The following RIMS1 variants were observed in gnomAD, a reference collection of about 807,000 sequenced individuals.
The protein encoded by RIMS1 is regulating synaptic membrane exocytosis protein 1.
Under a neutral mutation model 214.1 loss-of-function variants are expected in RIMS1, and 83 were observed. That is an observed-to-expected ratio of 0.39 (90% CI 0.32 to 0.47). RIMS1 has a LOEUF of 0.47. Ranked by LOEUF, RIMS1 falls within the 20% of genes least tolerant of loss-of-function variation. The probability of loss-of-function intolerance (pLI) is 0.99; values close to 1 mark genes in which losing one functional copy is unlikely to be tolerated. For missense variants in RIMS1, 2,050 were observed against 2,161.8 expected (o/e 0.95, Z 1.03); for synonymous variants, 793 against 786.8 (o/e 1.01, Z -0.13).
chr6:72,185,050 T>A (rs901938286), intron 6 of RIMS1, among the ~76,000 whole-genome samples: 3 of 152,212 alleles, frequency 2.0e-5, no homozygotes, highest in African/African-American at 7.2e-5. Context: ...TAAGGGACTG[T>A]CTTTTAAAGT....
intron 2 of RIMS1, among the ~76,000 whole-genome samples, chr6:72,011,916 G>T (rs923795696): frequency 1.3e-5 from 2 of 152,226 alleles, no homozygotes; most frequent in African/African-American, 4.8e-5. Flanking sequence ...GTGGAAGTCA[G>T]TGTGGCAATT....
intron 6 of RIMS1, among the ~76,000 whole-genome samples, chr6:72,231,477 A>G (rs2061957785): frequency 6.6e-6 from 1 of 151,710 alleles, no homozygotes; most frequent in Non-Finnish European, 1.5e-5. Flanking sequence ...TATTTAGTAG[A>G]TAGCTACAAA....
chr6:72,167,598 TATTA>T (rs1235169784), intron 4 of RIMS1, among the ~76,000 whole-genome samples: 8 of 152,184 alleles, frequency 5.3e-5, no homozygotes, highest in Non-Finnish European at 1.5e-5. Flanking sequence ...GGCTTTCAAT[TATTA>T]ATTCAACTTT....
At chr6:72,007,171 T>C (rs1808073128) in intron 2 of RIMS1, among the ~76,000 whole-genome samples, 2 of 152,186 alleles carry the variant, frequency 1.3e-5, no homozygotes, top group African/African-American at 2.4e-5. Flanking sequence ...TTCACTGATA[T>C]TCGCTGTTCT....
chr6:72,327,785 T>C (rs1276006091), intron 28 of RIMS1, among the ~76,000 whole-genome samples: 1 of 151,812 alleles, frequency 6.6e-6, no homozygotes, highest in East Asian at 1.9e-4. Flanking sequence ...CTTTGCTATC[T>C]TCAAGAATTC....
At position 72,128,313 on chromosome 6, in the gene RIMS1, A is replaced by C. The variant is rs74830744; in HGVS notation, c.471+28327A>C. 7.0e-3 allele frequency among the ~76,000 whole-genome samples: 1,063 copies of C among 152,264 alleles called. 9 individuals carry two copies. Among genetic ancestry groups the C allele is most frequent in the African/African-American group, 0.023 (949 of 41,554 alleles). ...AATGCTCCAAGAAAACCAGAGAAGG[A>C]GGGAGTCCTTTCACTTACTTTTAAG... On this transcript the variant is annotated intron_variant, in intron 4 of 33. Coordinates refer to ENST00000521978, the MANE Select transcript of RIMS1 (RefSeq NM_014989.7).
chr6:72,320,421 A>G (rs192724154), intron 28 of RIMS1, among the ~76,000 whole-genome samples: 9 of 152,274 alleles, frequency 5.9e-5, no homozygotes, highest in Non-Finnish European at 1.2e-4. Flanking sequence ...GCTGCTTTAA[A>G]AACATATTGT....
chr6:72,386,846 G>A (rs1021629285), intron 29 of RIMS1, among the ~76,000 whole-genome samples: 2 of 146,312 alleles, frequency 1.4e-5, no homozygotes, highest in Non-Finnish European at 3.0e-5. Context: ...CCATTCTCCT[G>A]CCTGAGCCTC....
At chr6:72,255,357 C>A (rs2075367828) in intron 16 of RIMS1, among the ~76,000 whole-genome samples, 2 of 152,100 alleles carry the variant, frequency 1.3e-5, no homozygotes, top group South Asian at 4.1e-4. Context: ...CAAGGAAGTT[C>A]CTGGTTGTTT....
At position 72,333,728 on chromosome 6, in the gene RIMS1, T is replaced by C. The variant is rs373553229; in HGVS notation, c.4259T>C (p.Val1420Ala). The C allele has an allele frequency of 4.3e-5, 68 of 1,598,638 alleles. No homozygotes were observed. The highest frequency in any genetic ancestry group is 5.2e-5 in the Non-Finnish European group (61 of 1,172,626). Reference sequence around the variant, plus strand: ...GACGGCAGCCAGTCAGACACAGCTGTGGGTACAGTTGGAGCAGGTGGAAAG... The same window carrying C: ...GACGGCAGCCAGTCAGACACAGCTGCGGGTACAGTTGGAGCAGGTGGAAAG... ...HNDGSQSDTA[V>A]GTVGAGGKKR... Residue 1420 changes from valine to alanine, a missense_variant, in exon 29 of 34, where the codon GTG becomes GCG. This residue lies in a region of RIMS1 where 889 missense variants were observed against 885.5 expected (regional missense o/e 1.00). Transcript: ENST00000521978.
chr6:72,092,291 C>CCCTCCCTCCCTCCCTTCCTTCCTTCCTT (rs745668426), intron 2 of RIMS1, among the ~76,000 whole-genome samples: 4 of 108,004 alleles, frequency 3.7e-5, no homozygotes, highest in African/African-American at 9.4e-5. Context: ...CTCCCTCCCT[C>CCCTCCCTCCCTCCCTTCCTTCCTTCCTT]CCTTCCTTCC....
At chr6:72,118,122 A>G (rs910015619) in intron 4 of RIMS1, among the ~76,000 whole-genome samples, 2 of 148,150 alleles carry the variant, frequency 1.3e-5, no homozygotes, top group Admixed American at 6.8e-5. Context: ...AATACAAAAG[A>G]TCATTCAAAG....
chr6:71,939,660 G>C (rs1430188308), intron 1 of RIMS1, among the ~76,000 whole-genome samples: 1 of 152,188 alleles, frequency 6.6e-6, no homozygotes, highest in Admixed American at 6.5e-5. Flanking sequence ...GAGAAAGTGA[G>C]AGTGCAAGAG....
At position 72,282,014 on chromosome 6, in the gene RIMS1, T is replaced by C. The variant is rs577938541; in HGVS notation, c.3483-2033T>C. 3.9e-5 allele frequency among the ~76,000 whole-genome samples: 6 copies of C among 152,128 alleles called. No homozygotes were observed. The East Asian group carries it at 7.7e-4, about 20-fold the overall frequency. On this transcript the variant is annotated intron_variant, in intron 23 of 33. Transcript: ENST00000521978. ...CACCTAGAACAGTGCCTAGTATATA[T>C]ACATGCACAAGTGTTTGTTGGATGA... is the stretch of plus-strand genomic sequence containing the variant.
chr6:72,277,573 C>G (rs866665809), intron 23 of RIMS1, among the ~76,000 whole-genome samples: 2 of 127,542 alleles, frequency 1.6e-5, no homozygotes, highest in African/African-American at 5.8e-5. Context: ...CAGAGCCAGA[C>G]TCTGTCTCAA....
chr6:72,011,989 C>G (rs2151864981), intron 2 of RIMS1, among the ~76,000 whole-genome samples: 1 of 152,238 alleles, frequency 6.6e-6, no homozygotes, highest in South Asian at 2.1e-4. Context: ...GGTATATACC[C>G]AAAGGATTAT....
chr6:72,290,861 G>A lies in RIMS1; in HGVS notation c.3737G>A (p.Arg1246Lys). The change falls in exon 25 of 34, where the codon AGA (arginine) becomes AAA (lysine). Residue 1246 changes from arginine (R) to lysine (K), a missense_variant and splice_region_variant. By Grantham distance (26) the Arg-to-Lys change is conservative. Coordinates refer to ENST00000521978, the MANE Select transcript of RIMS1 (RefSeq NM_014989.7). ...GSAPPSPLLT[R>K]MHRQRSPTQS... Reference sequence around the variant, plus strand: ...GCGCCACCTTCTCCGCTTCTGACAAGGTCGCTATTCAGTGTCCCCCTCAGC... The same window carrying A: ...GCGCCACCTTCTCCGCTTCTGACAAAGTCGCTATTCAGTGTCCCCCTCAGC... 1 of 1,611,810 alleles carries A rather than the reference G, an allele frequency of 6.2e-7. No homozygotes were observed. Among genetic ancestry groups the A allele is most frequent in the Non-Finnish European group, 8.5e-7 (1 of 1,179,512 alleles).
At chr6:72,254,913 A>C (rs77648428) in intron 16 of RIMS1, among the ~76,000 whole-genome samples, 9,136 of 152,294 alleles carry the variant, frequency 0.06, 373 homozygotes, top group Non-Finnish European at 0.092. Flanking sequence ...TTTTCAAATA[A>C]TATTGTTCAT....
chr6:71,992,418 C>CT (rs1303669084), intron 2 of RIMS1, among the ~76,000 whole-genome samples: 1 of 73,450 alleles, frequency 1.4e-5, no homozygotes, highest in Non-Finnish European at 2.6e-5. Flanking sequence ...TTCTTTCTTT[C>CT]TTTCTTTCTT....
Sources: allele counts gnomAD v4.1 joint callset (sites outside exome capture counted in the v4.1 genomes callset), GRCh38; gene constraint gnomAD v4.1.1; regional missense constraint gnomAD v4.1.1; transcripts MANE v1.5; gene names NCBI Gene and HGNC (gene_info 2026-07-23, HGNC 2026-07-21).